The following CREB3L2 variants were observed in gnomAD, a reference collection of about 807,000 sequenced individuals.
The protein encoded by CREB3L2 is cyclic AMP-responsive element-binding protein 3-like protein 2.
A neutral mutation model predicts 57.2 loss-of-function variants in CREB3L2; 23 were observed. The ratio of observed to expected loss-of-function variants is 0.40; its 90% CI spans 0.29 to 0.57. CREB3L2 has a LOEUF of 0.57. Ranked by LOEUF, CREB3L2 falls within the 20% of genes least tolerant of loss-of-function variation. The pLI is 0.42. For synonymous variants in CREB3L2, 268 were observed against 265.1 expected, an observed-to-expected ratio of 1.01 and a Z score of -0.11; for missense variants, 628 against 634.7, an observed-to-expected ratio of 0.99 and a Z score of 0.11.
chr7:137,970,093 G>A (rs1437272040), intron 1 of CREB3L2, among the ~76,000 whole-genome samples: 5 of 152,132 alleles, frequency 3.3e-5, no homozygotes, highest in African/African-American at 9.7e-5. Context: ...TGCCTACACT[G>A]GAATACCATC....
rs147716322 is a variant in CREB3L2 at position 137,956,774 on chromosome 7, C to G, written c.103-28408G>C. ...CGATTGCTAGCATACAGCATAAGGC[C>G]CCACCTAAAAGAGTTAGACCATTCA... On this transcript the variant is annotated intron_variant, in intron 1 of 11. Transcript: ENST00000330387. 3.9e-3 allele frequency: 1,977 copies of G among 502,172 alleles called. 9 individuals carry two copies. Among genetic ancestry groups the G allele is most frequent in the Non-Finnish European group, 6.1e-3 (1,725 of 282,382 alleles). 31.1% of individuals were successfully genotyped at this position (502,172 alleles called of 1,614,324 possible). A position where few individuals can be genotyped will look rare whatever the true frequency, so the allele number is the denominator to read the frequency against.
chr7:137,904,425 G>A (rs953527807), intron 6 of CREB3L2, among the ~76,000 whole-genome samples: 2 of 152,186 alleles, frequency 1.3e-5, no homozygotes, highest in Non-Finnish European at 2.9e-5. Flanking sequence ...CAGCACTTTG[G>A]GAGGCCAAGG....
At chr7:137,995,333 CTTTTTTTTTT>C (rs10676214) in intron 1 of CREB3L2, among the ~76,000 whole-genome samples, 21 of 87,440 alleles carry the variant, frequency 2.4e-4, no homozygotes, top group African/African-American at 8.5e-4. Flanking sequence ...TCTTTTCTTT[CTTTTTTTTTT>C]TTTTTTTTTG....
chr7:137,885,223 C>A, intron 9 of CREB3L2, 102 bp from the exon 10 acceptor site: 1 of 1,381,352 alleles, frequency 7.2e-7, no homozygotes, highest in East Asian at 2.3e-5. Context: ...CCTCTTCAGG[C>A]CAGTGGACTG....
At chr7:137,910,041 C>G (rs892632576) in intron 4 of CREB3L2, among the ~76,000 whole-genome samples, 3 of 152,138 alleles carry the variant, frequency 2.0e-5, no homozygotes, top group Non-Finnish European at 4.4e-5. Context: ...GCCATTAAAC[C>G]TCTTTTTCTG....
intron 1 of CREB3L2, among the ~76,000 whole-genome samples, chr7:137,931,637 G>A (rs937470280): frequency 6.6e-6 from 1 of 151,814 alleles, no homozygotes; most frequent in Admixed American, 6.6e-5. Flanking sequence ...TTCGAGGCTG[G>A]CCTGGCCAAC....
intron 8 of CREB3L2, among the ~76,000 whole-genome samples, chr7:137,897,829 CT>C (rs932063829): frequency 9.9e-5 from 15 of 151,534 alleles, no homozygotes; most frequent in African/African-American, 2.9e-4. Context: ...TGAAAGGATT[CT>C]TTTTTTTTCC....
intron 8 of CREB3L2, among the ~76,000 whole-genome samples, chr7:137,897,285 T>A (rs115475251): frequency 0.016 from 2,395 of 152,286 alleles, 60 homozygotes; most frequent in African/African-American, 0.054. Context: ...TTTCCCTGCT[T>A]TAACAGGTGG....
intron 1 of CREB3L2, among the ~76,000 whole-genome samples, chr7:137,978,593 G>A (rs148169996): frequency 9.3e-4 from 142 of 152,270 alleles, no homozygotes; most frequent in African/African-American, 3.2e-3. Context: ...ATGTCATATC[G>A]TTTTCAAATA....
chr7:137,937,169 A>G (rs901223062), intron 1 of CREB3L2, among the ~76,000 whole-genome samples: 3 of 152,204 alleles, frequency 2.0e-5, no homozygotes, highest in Non-Finnish European at 4.4e-5. Context: ...AAGCCTCTGT[A>G]CTTAAAAATC....
Position 137,885,359 on chromosome 7 carries a change from C to T in CREB3L2, c.1143+44G>A, listed in dbSNP as rs1362807821. 5 of 1,517,990 alleles carry T rather than the reference C, an allele frequency of 3.3e-6. No individual in the cohort carries two copies. In the Admixed American group the frequency reaches 9.2e-5, roughly 28 times the overall value. 94.0% of individuals were successfully genotyped at this position (1,517,990 alleles called of 1,614,324 possible). A position where few individuals can be genotyped will look rare whatever the true frequency, so the allele number is the denominator to read the frequency against. On this transcript the variant is annotated intron_variant, in intron 9 of 11. Coordinates refer to ENST00000330387, the MANE Select transcript of CREB3L2 (RefSeq NM_194071.4). Reference sequence around the variant, plus strand: ...AGTGGAGGGAGAGGGGAGACAGGGGCCAGGCCAGGGGCGGTCACTGTGCTA... The same window carrying T: ...AGTGGAGGGAGAGGGGAGACAGGGGTCAGGCCAGGGGCGGTCACTGTGCTA...
chr7:137,924,622 GT>G (rs1347308068), intron 2 of CREB3L2, among the ~76,000 whole-genome samples: 2 of 151,968 alleles, frequency 1.3e-5, no homozygotes, highest in African/African-American at 2.4e-5. Flanking sequence ...CTCATGACAT[GT>G]TTTTTTTCTT....
intron 2 of CREB3L2, among the ~76,000 whole-genome samples, chr7:137,921,819 C>T (rs549507823): frequency 2.6e-5 from 4 of 152,270 alleles, no homozygotes; most frequent in African/African-American, 7.2e-5. Context: ...CACTCTATGT[C>T]CACCTTTTTC....
At chr7:137,913,895 C>T (rs1014417925) in intron 3 of CREB3L2, among the ~76,000 whole-genome samples, 5 of 152,122 alleles carry the variant, frequency 3.3e-5, no homozygotes, top group Admixed American at 6.5e-5. Flanking sequence ...GAGGTGGTGA[C>T]CTTAGCAGAA....
chr7:137,903,792 T>G (rs1239710890), intron 7 of CREB3L2, among the ~76,000 whole-genome samples, 167 bp downstream of exon 7: 2 of 152,116 alleles, frequency 1.3e-5, no homozygotes, highest in African/African-American at 2.4e-5. Context: ...ATTATAGACG[T>G]CTCCTCCAAA....
At chr7:137,950,708 A>G (rs1028913336) in intron 1 of CREB3L2, among the ~76,000 whole-genome samples, 1 of 150,806 alleles carries the variant, frequency 6.6e-6, no homozygotes, top group Non-Finnish European at 1.5e-5. Context: ...CATATCAGAA[A>G]CTGTGTCGTT....
In CREB3L2 at chr7:137,996,586, C is replaced by A. The variant is rs527737644; in HGVS notation, c.102+5018G>T. ...AAAAGCTTCAATATCGCATTGAAAT[C>A]ATATCACTCTCCGGGCCAGGCGGGA... On this transcript the variant is annotated intron_variant, in intron 1 of 11. Transcript: ENST00000330387. Among the ~76,000 whole-genome samples, 187 of 152,346 alleles carry A rather than the reference C, an allele frequency of 1.2e-3. 1 individual carries two copies. Among genetic ancestry groups the A allele is most frequent in the Non-Finnish European group, 9.3e-4 (63 of 68,034 alleles).
At chr7:137,964,597 G>A (rs1020967713) in intron 1 of CREB3L2, among the ~76,000 whole-genome samples, 1 of 152,196 alleles carries the variant, frequency 6.6e-6, no homozygotes, top group Non-Finnish European at 1.5e-5. Flanking sequence ...CACAAAGATG[G>A]GGAGGGAACA....
chr7:137,954,248 G>T (rs1178357097), intron 1 of CREB3L2, among the ~76,000 whole-genome samples: 1 of 151,972 alleles, frequency 6.6e-6, no homozygotes, highest in Non-Finnish European at 1.5e-5. Flanking sequence ...GGATCTTAGT[G>T]CTTGTTTACA....
Sources: gnomAD v4.1 joint callset for allele counts (sites outside exome capture counted in the v4.1 genomes callset) on GRCh38, gnomAD v4.1.1 for gene constraint, MANE v1.5 for transcripts, NCBI Gene and HGNC (gene_info 2026-07-23, HGNC 2026-07-21) for gene names.